C9orf85: variants seen among roughly 807,000 people sequenced by gnomAD.
C9orf85 encodes uncharacterized protein C9orf85.
In C9orf85, 16 loss-of-function variants were observed where a neutral mutation model predicts 14.9. That is an observed-to-expected ratio of 1.08 (90% CI 0.73 to 1.63). The LOEUF (loss-of-function observed/expected upper bound fraction) is 1.63, where lower values mean the gene tolerates loss of function less well. C9orf85 is among the 40% of genes most tolerant of loss of function. The pLI, the probability that C9orf85 is intolerant of heterozygous loss-of-function variation, is 0.00. For missense variants in C9orf85, 172 were observed against 186.1 expected (o/e 0.92, Z 0.44); for synonymous variants, 45 against 56.8 (o/e 0.79, Z 0.93).
At chr9:71,953,865 A>G (rs1433433800) in intron 2 of C9orf85, among the ~76,000 whole-genome samples, 2 of 152,120 alleles carry the variant, frequency 1.3e-5, no homozygotes, top group Non-Finnish European at 2.9e-5. Flanking sequence ...TTGAGAAGCT[A>G]AGGCAGGAGG....
chr9:71,934,239 G>A (rs889794541), intron 1 of C9orf85, among the ~76,000 whole-genome samples: 3 of 152,142 alleles, frequency 2.0e-5, no homozygotes, highest in Admixed American at 1.3e-4. Context: ...AGCTACTTGG[G>A]AGGCTGAGGC....
At chr9:71,917,709 A>G in intron 1 of C9orf85, among the ~76,000 whole-genome samples, 1 of 152,238 alleles carries the variant, frequency 6.6e-6, no homozygotes, top group East Asian at 1.9e-4. Context: ...ACAAAAGAGC[A>G]TACTATGTGA....
chr9:71,931,583 G>C (rs552635230), intron 1 of C9orf85, among the ~76,000 whole-genome samples: 11 of 152,282 alleles, frequency 7.2e-5, no homozygotes, highest in African/African-American at 2.2e-4. Flanking sequence ...GCGTGGCCTT[G>C]AGCTCTGGTT....
At chr9:71,945,478 C>T (rs1382167760) in intron 1 of C9orf85, among the ~76,000 whole-genome samples, 1 of 152,194 alleles carries the variant, frequency 6.6e-6, no homozygotes, top group Non-Finnish European at 1.5e-5. Flanking sequence ...GAATGTATTT[C>T]TCATCACAAA....
downstream of C9orf85, among the ~76,000 whole-genome samples, chr9:71,976,627 A>C (rs1052139732): frequency 2.0e-5 from 3 of 149,544 alleles, no homozygotes; most frequent in African/African-American, 5.0e-5. Flanking sequence ...GCGCCACTGC[A>C]CTCCAGCCTG....
downstream of C9orf85, among the ~76,000 whole-genome samples, chr9:71,976,561 C>CT (rs1275579880): frequency 6.6e-6 from 1 of 151,608 alleles, no homozygotes; most frequent in East Asian, 1.9e-4. Context: ...ACTTGCGAGG[C>CT]TGAGGCAGGA....
intron 2 of C9orf85, among the ~76,000 whole-genome samples, chr9:71,948,458 T>A (rs941484367): frequency 6.6e-6 from 1 of 152,154 alleles, no homozygotes; most frequent in Non-Finnish European, 1.5e-5. Flanking sequence ...GTACTCCGTT[T>A]TGGAGCAGTC....
chr9:71,912,169 C>T (rs989648933), intron 1 of C9orf85, among the ~76,000 whole-genome samples: 2 of 151,992 alleles, frequency 1.3e-5, no homozygotes, highest in African/African-American at 4.8e-5. Flanking sequence ...AGGATTGTGG[C>T]ATGAGTGGCT....
rs147672048 is a variant in C9orf85, at chr9:71,957,381, G to A, written c.209+10269G>A. 6.6e-5 allele frequency among the ~76,000 whole-genome samples: 10 copies of A among 152,224 alleles called. No individual in the cohort carries two copies. The East Asian group carries it at 1.9e-3, about 29-fold the overall frequency. On this transcript the variant is annotated intron_variant, in intron 2 of 3. Transcript: ENST00000334731. ...TTAAATTTTGCACCAAACTCCAGGT[G>A]AAATCTCAGTCAATTTCATTGAAAT...
chr9:71,969,439 G>C (rs1822798743), intron 2 of C9orf85, among the ~76,000 whole-genome samples: 1 of 152,138 alleles, frequency 6.6e-6, no homozygotes, highest in Admixed American at 6.5e-5. Flanking sequence ...ACTGCACCCA[G>C]CCTCTTATTA....
intron 1 of C9orf85, among the ~76,000 whole-genome samples, chr9:71,917,999 A>G (rs1827697408): frequency 6.6e-6 from 1 of 152,182 alleles, no homozygotes; most frequent in Admixed American, 6.5e-5. Context: ...CCTGGCCAAC[A>G]TGGTAAAACC....
chr9:71,961,819 A>G (rs1418224633), intron 2 of C9orf85, among the ~76,000 whole-genome samples: 1 of 152,140 alleles, frequency 6.6e-6, no homozygotes, highest in Non-Finnish European at 1.5e-5. Flanking sequence ...TGCCTGCCCT[A>G]AAGTATTGAA....
chr9:71,975,607 C>T (rs1009423585), downstream of C9orf85, among the ~76,000 whole-genome samples: 48 of 152,246 alleles, frequency 3.2e-4, no homozygotes, highest in African/African-American at 9.9e-4. Flanking sequence ...CCAAGGCGGA[C>T]GGATCACCTG....
chr9:71,942,902 CA>C (rs10708553), intron 1 of C9orf85, among the ~76,000 whole-genome samples: 115,635 of 122,908 alleles, frequency 0.94, 54,362 homozygotes, highest in South Asian at 0.98. Context: ...GACTCCGACT[CA>C]AAAAAAAAAA....
chr9:71,918,987 G>A (rs1191225267), intron 1 of C9orf85, among the ~76,000 whole-genome samples: 1 of 128,336 alleles, frequency 7.8e-6, no homozygotes, highest in Non-Finnish European at 1.6e-5. Flanking sequence ...GTGCCAAAAA[G>A]GTTGGGGACT....
intron 1 of C9orf85, among the ~76,000 whole-genome samples, chr9:71,926,354 A>C (rs1040311993): frequency 6.6e-6 from 1 of 152,196 alleles, no homozygotes; most frequent in Admixed American, 6.5e-5. Flanking sequence ...AATTTTATTT[A>C]ATTTTAGTTC....
At chr9:71,940,451 C>CA (rs1245065191) in intron 1 of C9orf85, among the ~76,000 whole-genome samples, 1 of 151,884 alleles carries the variant, frequency 6.6e-6, no homozygotes, top group Non-Finnish European at 1.5e-5. Flanking sequence ...AACAAACAAA[C>CA]AAAAAACCCA....
At chr9:71,981,325 T>C (rs565391407) in intron 3 of C9orf85, among the ~76,000 whole-genome samples, 2 of 152,354 alleles carry the variant, frequency 1.3e-5, no homozygotes, top group East Asian at 3.9e-4. Flanking sequence ...GATCCACTTG[T>C]CAAGTAAATT....
At position 71,949,248 on chromosome 9, in the gene C9orf85, T is replaced by A. The variant is rs77370502; in HGVS notation, c.209+2136T>A. ...TCACAGCATTTTAATAGATTAGTGC[T>A]GTGTAACAAAGGAAATGATTTAAAA... On this transcript the variant is annotated intron_variant, in intron 2 of 3. Coordinates refer to ENST00000334731, the MANE Select transcript of C9orf85 (RefSeq NM_182505.5). Among the ~76,000 whole-genome samples, 431 of 152,368 alleles carry A rather than the reference T, an allele frequency of 2.8e-3. 1 individual carries two copies. The highest frequency in any genetic ancestry group is 8.9e-3 in the African/African-American group (369 of 41,586).
Sources: gnomAD v4.1 joint callset for allele counts (sites outside exome capture counted in the v4.1 genomes callset) on GRCh38, gnomAD v4.1.1 for gene constraint, MANE v1.5 for transcripts, NCBI Gene and HGNC (gene_info 2026-07-23, HGNC 2026-07-21) for gene names.